Variants in ADGRL3 observed in about 807,000 individuals in gnomAD.
The protein encoded by ADGRL3 is calcium-independent alpha-latrotoxin receptor 3.
In ADGRL3, 62 loss-of-function variants were observed where a neutral mutation model predicts 153.5. The observed-to-expected ratio is 0.40, with a 90% CI of 0.33 to 0.50. The LOEUF is 0.50. Among genes scored for constraint, ADGRL3 ranks in the 20% least tolerant of loss-of-function variants. The pLI is 0.47. For missense variants in ADGRL3, 1,641 were observed against 1,859.4 expected, an observed-to-expected ratio of 0.88 and a Z score of 2.16; for synonymous variants, 710 against 672.5, an observed-to-expected ratio of 1.06 and a Z score of -0.86.
chr4:62,006,003 C>CACACACACATATATAT (rs1230956055), intron 21 of ADGRL3, among the ~76,000 whole-genome samples: 9 of 48,976 alleles, frequency 1.8e-4, no homozygotes, highest in Non-Finnish European at 3.8e-5. Flanking sequence ...CACACACACA[C>CACACACACATATATAT]ATATATATAT....
At chr4:61,559,398 T>G (rs373597472) in intron 4 of ADGRL3, among the ~76,000 whole-genome samples, 35 of 152,148 alleles carry the variant, frequency 2.3e-4, no homozygotes, top group Non-Finnish European at 3.4e-4. Flanking sequence ...TTTGCCAGTC[T>G]AAGCTGCTTT....
chr4:61,976,415 A>G lies in ADGRL3; in HGVS notation c.2806-3148A>G, dbSNP rs868134873. Among the ~76,000 whole-genome samples the G allele has an allele frequency of 7.9e-5, 12 of 152,274 alleles. No homozygotes were observed. The South Asian group carries it at 1.0e-3, about 13-fold the overall frequency. ...TATTTACATCTGTTATTTACATTCA[A>G]TGTCCACTTGATATGGTTTGGCTGT... On this transcript the variant is annotated intron_variant, in intron 17 of 26. Transcript: ENST00000683033.
At chr4:61,461,376 G>T (rs1357030620) in intron 2 of ADGRL3, among the ~76,000 whole-genome samples, 1 of 152,072 alleles carries the variant, frequency 6.6e-6, no homozygotes, top group Non-Finnish European at 1.5e-5. Context: ...GACAAGATTT[G>T]AAATGTTCTC....
chr4:61,215,940 T>C (rs1246356580), intron 1 of ADGRL3, among the ~76,000 whole-genome samples: 1 of 152,112 alleles, frequency 6.6e-6, no homozygotes, highest in African/African-American at 2.4e-5. Flanking sequence ...GAATTAGTCA[T>C]GTAACTTCTG....
At chr4:61,620,261 G>A (rs182874551) in intron 5 of ADGRL3, among the ~76,000 whole-genome samples, 2 of 152,216 alleles carry the variant, frequency 1.3e-5, no homozygotes, top group African/African-American at 4.8e-5. Context: ...GCAATGGAAA[G>A]AACAAGACAC....
At chr4:61,909,023 AC>A (rs1251309105) in intron 11 of ADGRL3, among the ~76,000 whole-genome samples, 1 of 152,224 alleles carries the variant, frequency 6.6e-6, no homozygotes, top group Non-Finnish European at 1.5e-5. Context: ...ATAGTTTGCT[AC>A]CCAGCATACT....
chr4:61,738,625 A>G (rs2096546744), intron 8 of ADGRL3, among the ~76,000 whole-genome samples: 2 of 152,292 alleles, frequency 1.3e-5, no homozygotes, highest in South Asian at 4.1e-4. Flanking sequence ...AAGTGGTTTC[A>G]GGAGTTATTA....
Position 62,004,646 on chromosome 4 carries a change from G to T in ADGRL3, c.3395+6381G>T, listed in dbSNP as rs183982508. 4.6e-5 allele frequency among the ~76,000 whole-genome samples: 7 copies of T among 152,046 alleles called. No homozygotes were observed. In the East Asian group the frequency reaches 1.4e-3, roughly 29 times the overall value. On this transcript the variant is annotated intron_variant, in intron 21 of 26. Transcript: ENST00000683033. The stretch of plus-strand genomic sequence containing the variant: ...TAATTATTTTAAATATTTAGAGATA[G>T]TACGTTTAAAAACTGTTACACGTTT...
At chr4:61,461,601 C>G (rs2097820068) in intron 2 of ADGRL3, among the ~76,000 whole-genome samples, 1 of 152,030 alleles carries the variant, frequency 6.6e-6, no homozygotes, top group South Asian at 2.1e-4. Context: ...TTCTCAAAAA[C>G]AATGTGTATT....
At chr4:61,967,467 A>C (rs1473257926) in intron 17 of ADGRL3, among the ~76,000 whole-genome samples, 1 of 152,208 alleles carries the variant, frequency 6.6e-6, no homozygotes, top group Non-Finnish European at 1.5e-5. Context: ...TACTTGTGTC[A>C]GTCCAATGTG....
chr4:61,505,675 T>G (rs2098423432), intron 3 of ADGRL3, among the ~76,000 whole-genome samples: 1 of 152,094 alleles, frequency 6.6e-6, no homozygotes, highest in African/African-American at 2.4e-5. Flanking sequence ...TCATTTTACT[T>G]CTGTAGATTG....
intron 25 of ADGRL3, among the ~76,000 whole-genome samples, chr4:62,047,546 A>G (rs993917044): frequency 2.6e-5 from 4 of 152,018 alleles, no homozygotes; most frequent in East Asian, 1.9e-4. Flanking sequence ...AGATTTCCCA[A>G]TGTGATAAAT....
At chr4:61,758,826 C>T (rs2096872090) in intron 8 of ADGRL3, among the ~76,000 whole-genome samples, 1 of 152,130 alleles carries the variant, frequency 6.6e-6, no homozygotes, top group Non-Finnish European at 1.5e-5. Context: ...ACCGCTTGTT[C>T]CTTTCCATGT....
chr4:61,678,207 T>TTA (rs1220458573), intron 6 of ADGRL3, among the ~76,000 whole-genome samples: 1 of 152,032 alleles, frequency 6.6e-6, no homozygotes, highest in Admixed American at 6.6e-5. Context: ...ATTGGGACAA[T>TTA]TATACTTGGG....
chr4:61,347,267 A>AT (rs986931308), intron 1 of ADGRL3, among the ~76,000 whole-genome samples: 1,611 of 150,670 alleles, frequency 0.011, 30 homozygotes, highest in African/African-American at 0.038. Context: ...AGGCATAGTT[A>AT]TTTTTTTTTC....
intron 9 of ADGRL3, among the ~76,000 whole-genome samples, chr4:61,849,777 CAA>C (rs1354804801): frequency 1.3e-5 from 2 of 152,026 alleles, no homozygotes; most frequent in African/African-American, 4.8e-5. Context: ...TTCTTACAAA[CAA>C]AGAGAAAATG....
chr4:61,858,905 A>G (rs1265704080), intron 9 of ADGRL3, among the ~76,000 whole-genome samples: 2 of 152,132 alleles, frequency 1.3e-5, no homozygotes, highest in Non-Finnish European at 1.5e-5. Context: ...CTGTGAATGC[A>G]ATCACCTCTT....
chr4:61,675,952 CT>C (rs200701448), intron 5 of ADGRL3, among the ~76,000 whole-genome samples: 1 of 147,250 alleles, frequency 6.8e-6, no homozygotes, highest in Admixed American at 6.7e-5. Context: ...CCTCCCCCCT[CT>C]ACCCCTCACT....
chr4:61,672,095 G>A (rs894827863), intron 5 of ADGRL3, among the ~76,000 whole-genome samples: 2 of 152,102 alleles, frequency 1.3e-5, no homozygotes, highest in African/African-American at 4.8e-5. Context: ...TTTTTGACCT[G>A]TGCTTCTGGG....
Sources: gnomAD v4.1 joint callset for allele counts (sites outside exome capture counted in the v4.1 genomes callset) on GRCh38, gnomAD v4.1.1 for gene constraint, MANE v1.5 for transcripts, NCBI Gene and HGNC (gene_info 2026-07-23, HGNC 2026-07-21) for gene names.